Variants in LZTS1 observed in about 807,000 individuals in gnomAD.
LZTS1 encodes leucine zipper putative tumor suppressor 1.
In LZTS1, 31 loss-of-function variants were observed where a neutral mutation model predicts 45.8. That is an observed-to-expected ratio of 0.68 (90% CI 0.51 to 0.91). The LOEUF is 0.91. LZTS1 is among the 40% of genes least tolerant of loss of function. LZTS1 has a pLI of 0.00. For missense variants in LZTS1, 821 were observed against 788.9 expected, an observed-to-expected ratio of 1.04 and a Z score of -0.49; for synonymous variants, 359 against 357.3, an observed-to-expected ratio of 1.00 and a Z score of -0.05.
Position 20,255,261 on chromosome 8 carries a change from G to A in LZTS1, c.-80C>T, listed in dbSNP as rs1165738059. On this transcript the variant is annotated 5_prime_UTR_variant, in exon 2 of 4. It adds an upstream start codon to the 5' untranslated region. Coordinates refer to ENST00000381569, the MANE Select transcript of LZTS1 (RefSeq NM_021020.5). Reference sequence around the variant, plus strand: ...GGCAGCAAGGGGCAGTCGTGGCTCCGTGAGGGGACTGAGGTCATAGCAAAG... The same window carrying A: ...GGCAGCAAGGGGCAGTCGTGGCTCCATGAGGGGACTGAGGTCATAGCAAAG... 13 of 1,510,576 alleles carry A rather than the reference G, an allele frequency of 8.6e-6. No individual in the cohort carries two copies. Among genetic ancestry groups the A allele is most frequent in the Admixed American group, 6.1e-5 (3 of 48,796 alleles). The allele number at this position is 1,510,576 out of a possible 1,614,324, so 93.6% of individuals were successfully genotyped here.
chr8:20,272,653 C>T (rs1800496201), intron 1 of LZTS1, among the ~76,000 whole-genome samples: 1 of 152,200 alleles, frequency 6.6e-6, no homozygotes, highest in Admixed American at 6.5e-5. Context: ...CAGACAACTT[C>T]ATCTCTATAA....
At chr8:20,260,254 A>C (rs1195804329) in intron 1 of LZTS1, among the ~76,000 whole-genome samples, 1 of 152,136 alleles carries the variant, frequency 6.6e-6, no homozygotes, top group East Asian at 1.9e-4. Flanking sequence ...ATTGAGACAG[A>C]GTCTCACTCT....
Position 20,253,231 on chromosome 8 carries a change from C to G in LZTS1, c.700G>C (p.Asp234His), listed in dbSNP as rs749755729. 8 of 1,613,860 alleles carry G rather than the reference C, an allele frequency of 5.0e-6. No individual in the cohort carries two copies. Among genetic ancestry groups the G allele is most frequent in the African/African-American group, 1.3e-5 (1 of 74,960 alleles). Residue 234 changes from aspartate to histidine, a missense_variant, in exon 3 of 4, where the codon GAC (aspartate) becomes CAC (histidine). Coordinates refer to ENST00000381569, the MANE Select transcript of LZTS1 (RefSeq NM_021020.5). ...MMSLKALSFSDGGSKLGHSNK... is the reference protein window; with the variant it reads ...MMSLKALSFSHGGSKLGHSNK... ...GAGTGGCCCAGCTTGCTACCTCCGT[C>G]GGAGAAGGACAGAGCCTTCAGGCTC... is the stretch of plus-strand genomic sequence containing the variant.
chr8:20,263,301 T>C (rs1412150488), intron 1 of LZTS1, among the ~76,000 whole-genome samples: 1 of 151,332 alleles, frequency 6.6e-6, no homozygotes, highest in Non-Finnish European at 1.5e-5. Flanking sequence ...GGGCTCAGTT[T>C]CCAACCACAA....
At chr8:20,277,219 T>C (rs926191234) in intron 1 of LZTS1, among the ~76,000 whole-genome samples, 6 of 152,218 alleles carry the variant, frequency 3.9e-5, no homozygotes, top group African/African-American at 1.4e-4. Flanking sequence ...ATTAATATGC[T>C]AAAAGATATT....
At chr8:20,298,570 C>A (rs559032764) in intron 1 of LZTS1, among the ~76,000 whole-genome samples, 1 of 152,284 alleles carries the variant, frequency 6.6e-6, no homozygotes, top group South Asian at 2.1e-4. Context: ...CAGCAGGAAG[C>A]AACAGTGTGA....
At chr8:20,269,460 C>T (rs890313418) in intron 1 of LZTS1, among the ~76,000 whole-genome samples, 1 of 152,190 alleles carries the variant, frequency 6.6e-6, no homozygotes, top group African/African-American at 2.4e-5. Flanking sequence ...AGAGTGGAGA[C>T]TAAGTGGGCA....
chr8:20,253,144 T>C lies in LZTS1; in HGVS notation c.787A>G (p.Ile263Val). 6.2e-7 allele frequency: 1 copy of C among 1,613,178 alleles called. No homozygotes were observed. The change falls in exon 3 of 4, where the codon ATC (isoleucine) becomes GTC (valine). Residue 263 changes from isoleucine to valine, a missense_variant. Coordinates refer to ENST00000381569, the MANE Select transcript of LZTS1 (RefSeq NM_021020.5). ...RSPISTDECS[I>V]QELEQKLLER... ...AACAGCTTCTGCTCCAGCTCCTGGA[T>C]GCTGCACTCGTCCGTGGAGATGGGG...
chr8:20,270,990 C>T (rs571296336), intron 1 of LZTS1, among the ~76,000 whole-genome samples: 72 of 152,158 alleles, frequency 4.7e-4, no homozygotes, highest in African/African-American at 1.7e-3. Flanking sequence ...TGGCGTGGCA[C>T]GAAGAGTTTA....
At position 20,297,573 on chromosome 8, in the gene LZTS1, C is replaced by T. The variant is rs567255029; in HGVS notation, c.-135+6167G>A. Among the ~76,000 whole-genome samples, 8 of 152,262 alleles carry T rather than the reference C, an allele frequency of 5.3e-5. No homozygotes were observed. The East Asian group carries it at 1.5e-3, about 29-fold the overall frequency. On this transcript the variant is annotated intron_variant, in intron 1 of 3. Coordinates refer to ENST00000381569, the MANE Select transcript of LZTS1 (RefSeq NM_021020.5). ...GGGACTACAGGCGTGCACCACCATG[C>T]CCAGCTAATTTTTTGTATTTTTAAT...
At chr8:20,303,596 T>A in intron 1 of LZTS1, 144 bp downstream of exon 1, 1 of 723,012 alleles carries the variant, frequency 1.4e-6, no homozygotes, top group Non-Finnish European at 1.7e-6. Flanking sequence ...CAAAGACACC[T>A]CGACAGCCAC....
At chr8:20,294,756 C>T in intron 1 of LZTS1, among the ~76,000 whole-genome samples, 1 of 151,936 alleles carries the variant, frequency 6.6e-6, no homozygotes, top group East Asian at 1.9e-4. Context: ...AGGGAAGCTA[C>T]CCTGAGTGTG....
rs1563850986 is a variant in LZTS1 at position 20,251,140 on chromosome 8, T to TATATATATATATATAA, written c.1150-778_1150-777insTTATATATATATATAT. Reference sequence around the variant, plus strand: ...ATATATATATATATATATATATATATATATATATAAAATATAAAGTATAAG... The same window carrying TATATATATATATATAA: ...ATATATATATATATATATATATATATATATATATATATATAAATATATATAAAATATAAAGTATAAG... On this transcript the variant is annotated intron_variant, in intron 3 of 3. Transcript: ENST00000381569. Among the ~76,000 whole-genome samples the TATATATATATATATAA allele has an allele frequency of 5.2e-4, 45 of 86,420 alleles. 1 individual carries two copies. Among genetic ancestry groups the TATATATATATATATAA allele is most frequent in the African/African-American group, 2.1e-3 (43 of 20,204 alleles). 56.7% of individuals were successfully genotyped at this position (86,420 alleles called of 152,430 possible). A position where few individuals can be genotyped will look rare whatever the true frequency, so the allele number is the denominator to read the frequency against.
intron 1 of LZTS1, among the ~76,000 whole-genome samples, chr8:20,293,786 G>A (rs1800938889): frequency 1.3e-5 from 2 of 152,176 alleles, no homozygotes; most frequent in South Asian, 4.1e-4. Flanking sequence ...ATTTAAAAAT[G>A]GGCCAGGTAT....
chr8:20,280,966 C>T (rs17092214), intron 1 of LZTS1, among the ~76,000 whole-genome samples: 69,951 of 152,098 alleles, frequency 0.46, 16,800 homozygotes, highest in South Asian at 0.65. Flanking sequence ...GCTCACAGTT[C>T]GCTTATCTGT....
intron 1 of LZTS1, among the ~76,000 whole-genome samples, chr8:20,283,371 A>T (rs974230869): frequency 2.6e-5 from 4 of 152,130 alleles, no homozygotes; most frequent in African/African-American, 9.7e-5. Context: ...ACATAGCAAG[A>T]AGGCACCTGC....
In LZTS1 at chr8:20,300,416, T is replaced by A. The variant is rs574804717; in HGVS notation, c.-135+3324A>T. ...GATGTGATCTCGGCTCACTGCAAGC[T>A]CCCCCTCCCGGGTTCACGCCATTCT... On this transcript the variant is annotated intron_variant, in intron 1 of 3. Coordinates refer to ENST00000381569, the MANE Select transcript of LZTS1 (RefSeq NM_021020.5). 2.0e-5 allele frequency among the ~76,000 whole-genome samples: 3 copies of A among 151,878 alleles called. No individual in the cohort carries two copies. The East Asian group carries it at 5.8e-4, about 30-fold the overall frequency.
intron 1 of LZTS1, among the ~76,000 whole-genome samples, chr8:20,300,964 A>C (rs1585307580): frequency 1.3e-5 from 2 of 152,120 alleles, no homozygotes; most frequent in African/African-American, 4.8e-5. Context: ...TACTAAAAAT[A>C]TAAAAGATTA....
In LZTS1 at chr8:20,252,919, G is replaced by C; in HGVS notation, c.1012C>G (p.Leu338Val). The C allele has an allele frequency of 6.2e-7, 1 of 1,609,426 alleles. No homozygotes were observed. Among genetic ancestry groups the C allele is most frequent in the Non-Finnish European group, 8.5e-7 (1 of 1,178,710 alleles). Residue 338 changes from leucine (L) to valine (V), a missense_variant, in exon 3 of 4, where the codon CTT becomes GTT. By Grantham distance (32) the Leu-to-Val change is conservative. Coordinates refer to ENST00000381569, the MANE Select transcript of LZTS1 (RefSeq NM_021020.5). ...QQVLHLQVLQ[L>V]QQEKRQLRQE... ...CGGAGCTGCCGCTTCTCCTGCTGAA[G>C]CTGCAGTACCTGCAGGTGCAGGACC... is the stretch of plus-strand genomic sequence containing the variant.
Sources: gnomAD v4.1 joint callset for allele counts (sites outside exome capture counted in the v4.1 genomes callset) on GRCh38, gnomAD v4.1.1 for gene constraint, MANE v1.5 for transcripts, NCBI Gene and HGNC (gene_info 2026-07-23, HGNC 2026-07-21) for gene names.